The following CHTF18 variants were observed in gnomAD, a reference collection of about 807,000 sequenced individuals.
CHTF18 encodes chromosome transmission fidelity factor 18, also known as chromosome transmission fidelity protein 18 homolog.
Under a neutral mutation model 113.4 loss-of-function variants are expected in CHTF18, and 151 were observed. The ratio of observed to expected loss-of-function variants is 1.33; its 90% CI spans 1.17 to 1.52. The LOEUF (loss-of-function observed/expected upper bound fraction) is 1.52, where lower values mean the gene tolerates loss of function less well. CHTF18 is among the 40% of genes most tolerant of loss of function. CHTF18 has a pLI of 0.00. For missense variants in CHTF18, 1,982 were observed against 1,381.6 expected (o/e 1.43, Z -6.89); for synonymous variants, 916 against 598.8 (o/e 1.53, Z -7.74).
chr16:789,106 G>A lies in CHTF18; in HGVS notation c.267G>A (p.Pro89=). The A allele has an allele frequency of 3.3e-6, 5 of 1,533,262 alleles. No homozygotes were observed. Among genetic ancestry groups the A allele is most frequent in the South Asian group, 1.2e-5 (1 of 82,660 alleles). The allele number at this position is 1,533,262 out of a possible 1,614,324, so 95.0% of individuals were successfully genotyped here. The part of the protein sequence containing the change: ...RKRQVDADLQ[P]AGSLPHAPRI... The stretch of plus-strand genomic sequence containing the variant: ...GGCAGGTGGACGCCGACCTGCAGCC[G>A]GCCGGGTCCCTGCCCCACGGTAGGT... Residue 89 remains proline, a synonymous_variant, in exon 2 of 22, where the codon CCG becomes CCA. Coordinates refer to ENST00000262315, the MANE Select transcript of CHTF18 (RefSeq NM_022092.3).
chr16:789,891 C>T (rs2042129871), intron 4 of CHTF18, 176 bp downstream of exon 4: 6 of 1,358,960 alleles, frequency 4.4e-6, no homozygotes, highest in Non-Finnish European at 6.0e-6. Context: ...CTCCCCACAG[C>T]AGGTTGCTGT....
chr16:794,751 G>T (rs977398689), intron 15 of CHTF18: 10 of 270,032 alleles, frequency 3.7e-5, no homozygotes, highest in Non-Finnish European at 1.4e-5. Context: ...GGGTGGGGAC[G>T]CCACGGCCTG....
intron 3 of CHTF18, 51 bp from the exon 4 acceptor site, chr16:789,496 A>T: frequency 6.4e-7 from 1 of 1,556,522 alleles, no homozygotes; most frequent in Non-Finnish European, 8.7e-7. Context: ...CCCATATCCA[A>T]GGGTGACCCC....
intron 4 of CHTF18, 78 bp downstream of exon 4, chr16:789,793 G>T: frequency 6.9e-7 from 1 of 1,452,704 alleles, no homozygotes; most frequent in Non-Finnish European, 9.1e-7. Flanking sequence ...CCTCACCCCT[G>T]CCATTTGCTT....
chr16:795,156 C>T lies in CHTF18; in HGVS notation c.1975C>T (p.Leu659=), dbSNP rs2042301854. ...GGGCTTGTTTGACAACTTCCTGCGT[C>T]TGCGGCTGCGAGACTCCAGCCTGGG... ...VQGLFDNFLR[L]RLRDSSLGAV... is the part of the protein sequence containing the mutation. The change falls in exon 16 of 22, where the codon CTG becomes TTG. Residue 659 remains leucine (L), a synonymous_variant. Coordinates refer to ENST00000262315, the MANE Select transcript of CHTF18 (RefSeq NM_022092.3). 3.9e-6 allele frequency: 6 copies of T among 1,553,230 alleles called. No homozygotes were observed. In the East Asian group the frequency reaches 9.7e-5, roughly 25 times the overall value.
At position 792,971 on chromosome 16, in the gene CHTF18, C is replaced by T. The variant is rs377023935; in HGVS notation, c.1578C>T (p.Ser526=). ...CAGCAGCCCTTCTCCACCAGGTCTC[C>T]CTGCGGCAGGGCATGAGGGCCGACC... ...SRLVQRLQEV[S]LRQGMRADPG... is the part of the protein sequence containing the mutation. Residue 526 remains serine (S), a synonymous_variant, in exon 13 of 22, where the codon TCC becomes TCT. Coordinates refer to ENST00000262315, the MANE Select transcript of CHTF18 (RefSeq NM_022092.3). The T allele has an allele frequency of 3.2e-6, 5 of 1,557,250 alleles. No individual in the cohort carries two copies. The highest frequency in any genetic ancestry group is 4.3e-6 in the Non-Finnish European group (5 of 1,151,128).
In CHTF18 at chr16:789,358, C is replaced by T. The variant is rs753194161; in HGVS notation, c.435C>T (p.His145=). ...SPEDLAELWG[H]GVSEAAADVG... The stretch of plus-strand genomic sequence containing the variant: ...AGGACCTCGCAGAGCTTTGGGGCCA[C>T]GGGTGTGTGGCTTGGACATGGGCGT... The change falls in exon 3 of 22, where the codon CAC becomes CAT. Residue 145 remains histidine (H), a splice_region_variant and synonymous_variant. Transcript: ENST00000262315. 2.5e-6 allele frequency: 4 copies of T among 1,587,006 alleles called. No individual in the cohort carries two copies. Among genetic ancestry groups the T allele is most frequent in the East Asian group, 2.2e-5 (1 of 44,554 alleles).
intron 4 of CHTF18, 178 bp from the exon 5 acceptor site, chr16:789,999 C>A: frequency 2.6e-6 from 4 of 1,535,404 alleles, no homozygotes; most frequent in Non-Finnish European, 3.5e-6. Flanking sequence ...CCCAATTTCC[C>A]TTTGCAGCTG....
rs1240398410 is a variant in CHTF18, at chr16:792,326, T to C, written c.1305T>C (p.Asp435=). ...GGAAGCCCAACTGCCTGGTCATCGA[T>C]GAGATCGACGGGGCCCCCGTGGTGG... ...AGGKPNCLVI[D]EIDGAPVAAI... Residue 435 remains aspartate (D), a synonymous_variant, in exon 10 of 22, where the codon GAT becomes GAC. Transcript: ENST00000262315. 1.9e-6 allele frequency: 3 copies of C among 1,552,910 alleles called. No homozygotes were observed. In the East Asian group the frequency reaches 7.3e-5, roughly 38 times the overall value.
intron 4 of CHTF18, 52 bp from the exon 5 acceptor site, chr16:790,125 A>G: frequency 6.5e-7 from 1 of 1,549,010 alleles, no homozygotes; most frequent in Non-Finnish European, 8.7e-7. Flanking sequence ...GGCTGACGTG[A>G]ATCCTGTGAC....
Position 792,449 on chromosome 16 carries a change from A to T in CHTF18, c.1337A>T (p.Asn446Ile). The T allele has an allele frequency of 1.3e-6, 2 of 1,566,186 alleles. No individual in the cohort carries two copies. The highest frequency in any genetic ancestry group is 1.7e-6 in the Non-Finnish European group (2 of 1,155,802). ...CTGACCTCCCCCAAGGCCGCCATCA[A>T]CGTCCTCCTGAGCATCCTGAACCGC... ...EIDGAPVAAI[N>I]VLLSILNRKG... Residue 446 changes from asparagine to isoleucine, a missense_variant, in exon 11 of 22, where the codon AAC (asparagine) becomes ATC (isoleucine). By Grantham distance (149) the Asn-to-Ile change is moderately radical. Transcript: ENST00000262315.
In CHTF18 at chr16:793,177, G is replaced by A. The variant is rs769958874; in HGVS notation, c.1705G>A (p.Val569Met). The A allele has an allele frequency of 6.2e-6, 10 of 1,606,972 alleles. No individual in the cohort carries two copies. The highest frequency in any genetic ancestry group is 2.7e-5 in the African/African-American group (2 of 74,772). The change falls in exon 14 of 22, where the codon GTG becomes ATG. Residue 569 changes from valine (V) to methionine (M), a missense_variant. Transcript: ENST00000262315. ...CAGCCGGGGCCAGCGGGAGCTGAGC[G>A]TGCGGGACGTGCAGGCCACACGCGT... ...LYSRGQRELS[V>M]RDVQATRVGL...
At position 795,729 on chromosome 16, in the gene CHTF18, GGTGTCCGGC is replaced by G; in HGVS notation, c.2221_2229del (p.Val741_Gly743del). 6.2e-7 allele frequency: 1 copy of G among 1,606,538 alleles called. No individual in the cohort carries two copies. Among genetic ancestry groups the G allele is most frequent in the Non-Finnish European group, 8.5e-7 (1 of 1,178,064 alleles). ...AGATGAGGAACCTGATCCAGACGCT[GGTGTCCGGC>G]ATCGCGCCAGCCACGCGCAGCCGGG... On this transcript the variant is annotated inframe_deletion, in exon 17 of 22. Transcript: ENST00000262315.
At chr16:794,482 G>T (rs2042284769) in intron 15 of CHTF18, among the ~76,000 whole-genome samples, 2 of 152,152 alleles carry the variant, frequency 1.3e-5, no homozygotes, top group African/African-American at 4.8e-5. Flanking sequence ...AGCGGGTTGG[G>T]GTGGAGCCCC....
chr16:791,859 G>A lies in CHTF18; in HGVS notation c.1113G>A (p.Leu371=), dbSNP rs756585331. ...PSQRPKQKVA[L]LCGPPGLGKT... ...ATCTACCTGGGCTGCAGGTGGCACT[G>A]CTCTGTGGGCCCCCGGGGCTGGGGA... The change falls in exon 9 of 22, where the codon CTG becomes CTA. Residue 371 remains leucine, a synonymous_variant. Coordinates refer to ENST00000262315, the MANE Select transcript of CHTF18 (RefSeq NM_022092.3). 6.2e-7 allele frequency: 1 copy of A among 1,605,146 alleles called. No individual in the cohort carries two copies.
intron 12 of CHTF18, 74 bp from the exon 13 acceptor site, chr16:792,892 T>A: frequency 1.3e-6 from 2 of 1,529,022 alleles, no homozygotes; most frequent in Non-Finnish European, 1.8e-6. Flanking sequence ...TCCCTGCCCC[T>A]CCCCATGGAA....
chr16:791,689 A>T, intron 8 of CHTF18, 162 bp from the exon 9 acceptor site: 6 of 1,428,684 alleles, frequency 4.2e-6, no homozygotes, highest in Non-Finnish European at 5.5e-6. Context: ...TTCCGTTGCC[A>T]TCTTGGTGTG....
chr16:788,800 G>A (rs766505389), intron 1 of CHTF18, 25 bp downstream of exon 1: 7 of 1,577,390 alleles, frequency 4.4e-6, no homozygotes, highest in South Asian at 1.2e-5. Context: ...CCGGCCGTTG[G>A]GGAGGAGCTG....
At chr16:797,591 T>G in intron 20 of CHTF18, 103 bp from the exon 21 acceptor site, 6 of 1,281,272 alleles carry the variant, frequency 4.7e-6, no homozygotes, top group Non-Finnish European at 6.7e-6. Context: ...CTCAGAGGTG[T>G]TCTGGTCCCT....
Sources: gnomAD v4.1 joint callset for allele counts (sites outside exome capture counted in the v4.1 genomes callset) on GRCh38, gnomAD v4.1.1 for gene constraint, MANE v1.5 for transcripts, NCBI Gene and HGNC (gene_info 2026-07-23, HGNC 2026-07-21) for gene names.